Variants in SV2B observed in about 807,000 individuals in gnomAD.
SV2B encodes solute carrier family 22 member B2.
In SV2B, 41 loss-of-function variants were observed where a neutral mutation model predicts 73.9. The ratio of observed to expected loss-of-function variants is 0.56; its 90% CI spans 0.43 to 0.72. The LOEUF is 0.72. Ranked by LOEUF, SV2B falls within the 30% of genes least tolerant of loss-of-function variation. The pLI is 0.00. For synonymous variants in SV2B, 314 were observed against 314.2 expected (o/e 1.00, Z 0.01); for missense variants, 764 against 857.8 (o/e 0.89, Z 1.37).
intron 1 of SV2B, among the ~76,000 whole-genome samples, chr15:91,202,065 C>G (rs183563546): frequency 6.6e-6 from 1 of 152,180 alleles, no homozygotes; most frequent in Non-Finnish European, 1.5e-5. Flanking sequence ...GGCTCACTCC[C>G]TGCTTCTTTC....
At chr15:91,270,945 G>A (rs1280464374) in intron 9 of SV2B, among the ~76,000 whole-genome samples, 2 of 151,016 alleles carry the variant, frequency 1.3e-5, no homozygotes, top group Admixed American at 1.3e-4. Flanking sequence ...TCCTGTGGAC[G>A]ATGGGAGGAC....
chr15:91,230,919 G>C (rs2141510387), intron 2 of SV2B, among the ~76,000 whole-genome samples: 1 of 152,274 alleles, frequency 6.6e-6, no homozygotes, highest in East Asian at 1.9e-4. Context: ...AGTGTGAAGG[G>C]ATAGAGCTTG....
At position 91,240,513 on chromosome 15, in the gene SV2B, T is replaced by C. The variant is rs1181823016; in HGVS notation, c.452-11306T>C. Reference sequence around the variant, plus strand: ...CTGTCCTGTCATGGAGCCAACATTTTAATAAAGAAAAAGGCTAAAAAACCC... The same window carrying C: ...CTGTCCTGTCATGGAGCCAACATTTCAATAAAGAAAAAGGCTAAAAAACCC... On this transcript the variant is annotated intron_variant, in intron 2 of 12. Coordinates refer to ENST00000394232, the MANE Select transcript of SV2B (RefSeq NM_001323032.3). The surrounding 1 kb of genome is among the most constrained non-coding windows in gnomAD (Gnocchi z 4.6). Among the ~76,000 whole-genome samples the C allele has an allele frequency of 1.3e-5, 2 of 152,146 alleles. No individual in the cohort carries two copies. Among genetic ancestry groups the C allele is most frequent in the Non-Finnish European group, 2.9e-5 (2 of 68,028 alleles).
intron 9 of SV2B, among the ~76,000 whole-genome samples, chr15:91,275,791 A>G (rs1053052623): frequency 9.2e-5 from 14 of 152,152 alleles, no homozygotes; most frequent in Non-Finnish European, 1.0e-4. Context: ...CCACCACTGC[A>G]CTCCAGCCTG....
chr15:91,293,914 G>A lies in SV2B; in HGVS notation c.*1362G>A, dbSNP rs574915335. On this transcript the variant is annotated 3_prime_UTR_variant, in exon 13 of 13. Coordinates refer to ENST00000394232, the MANE Select transcript of SV2B (RefSeq NM_001323032.3). ...TGAACATAAACAGGGGTGTGGGTTG[G>A]GGGAGGAGCTTAGGACAAACCTCTC... 3.9e-5 allele frequency: 6 copies of A among 152,404 alleles called. No individual in the cohort carries two copies. Among genetic ancestry groups the A allele is most frequent in the South Asian group, 2.1e-4 (1 of 4,830 alleles). The allele number at this position is 152,404 out of a possible 1,614,324, so 9.4% of individuals were successfully genotyped here.
chr15:91,165,933 C>G (rs2043896859), intron 1 of SV2B, among the ~76,000 whole-genome samples: 1 of 152,102 alleles, frequency 6.6e-6, no homozygotes, highest in African/African-American at 2.4e-5. Context: ...TTTTCTTTAT[C>G]TGTAAATATC....
chr15:91,119,927 A>G (rs1475128211), intron 1 of SV2B, among the ~76,000 whole-genome samples: 1 of 152,224 alleles, frequency 6.6e-6, no homozygotes, highest in Non-Finnish European at 1.5e-5. Context: ...ATTAAGCATT[A>G]GTGTTTTCCA....
At chr15:91,200,735 C>T (rs2045430053) in intron 1 of SV2B, among the ~76,000 whole-genome samples, 1 of 151,638 alleles carries the variant, frequency 6.6e-6, no homozygotes, top group Admixed American at 6.6e-5. Context: ...ATAGTGAGAC[C>T]TCATCTCTAT....
In SV2B at chr15:91,130,744, C is replaced by T. The variant is rs757315375; in HGVS notation, c.-392+30381C>T. 2.0e-5 allele frequency among the ~76,000 whole-genome samples: 3 copies of T among 151,968 alleles called. No individual in the cohort carries two copies. The highest frequency in any genetic ancestry group is 2.1e-4 in the South Asian group (1 of 4,818). On this transcript the variant is annotated intron_variant, in intron 1 of 12. Coordinates refer to ENST00000394232, the MANE Select transcript of SV2B (RefSeq NM_001323032.3). The surrounding 1 kb of genome is among the most constrained non-coding windows in gnomAD (Gnocchi z 5.6). ...TGGGGGCAAAGAGGGGAGTGTGTGG[C>T]GGTGCACGGTTCAGTGAGTCCTTCA...
chr15:91,129,539 G>A lies in SV2B; in HGVS notation c.-392+29176G>A, dbSNP rs1367773809. Among the ~76,000 whole-genome samples the A allele has an allele frequency of 6.6e-6, 1 of 152,144 alleles. No individual in the cohort carries two copies. The highest frequency in any genetic ancestry group is 1.5e-5 in the Non-Finnish European group (1 of 68,028). The stretch of plus-strand genomic sequence containing the variant: ...AGTGCATGGATGAAGCTGCAAGGGT[G>A]GACAGAACCAAAACAGAAGGTCACA... On this transcript the variant is annotated intron_variant, in intron 1 of 12. Transcript: ENST00000394232. This position sits in a 1 kb window ranked among gnomAD's most constrained non-coding sequence, Gnocchi z 5.1.
chr15:91,116,160 G>T (rs547168281), intron 1 of SV2B, among the ~76,000 whole-genome samples: 1 of 152,106 alleles, frequency 6.6e-6, no homozygotes, highest in Admixed American at 6.6e-5. Flanking sequence ...ACATGACCTT[G>T]CATTCTCCCT....
Position 91,297,488 on chromosome 15 carries a change from C to T in SV2B, c.*4936C>T, listed in dbSNP as rs1218310367. On this transcript the variant is annotated 3_prime_UTR_variant, in exon 13 of 13. Coordinates refer to ENST00000394232, the MANE Select transcript of SV2B (RefSeq NM_001323032.3). This position sits in a 1 kb window ranked among gnomAD's most constrained non-coding sequence, Gnocchi z 5.1. Reference sequence around the variant, plus strand: ...GATGTTAAAACTCACTCTTCAAGGCCCCATCCCCAGAGATTCGGATTCTGG... The same window carrying T: ...GATGTTAAAACTCACTCTTCAAGGCTCCATCCCCAGAGATTCGGATTCTGG... The T allele has an allele frequency of 6.6e-6, 1 of 152,096 alleles. No individual in the cohort carries two copies. The highest frequency in any genetic ancestry group is 2.4e-5 in the African/African-American group (1 of 41,416). 9.4% of individuals were successfully genotyped at this position (152,096 alleles called of 1,614,324 possible). A position where few individuals can be genotyped will look rare whatever the true frequency, so the allele number is the denominator to read the frequency against.
At chr15:91,256,863 T>G (rs769391805) in intron 4 of SV2B, among the ~76,000 whole-genome samples, 1 of 152,218 alleles carries the variant, frequency 6.6e-6, no homozygotes, top group Non-Finnish European at 1.5e-5. Context: ...AGGAGTCTGC[T>G]GCGAGTAGAA....
intron 1 of SV2B, among the ~76,000 whole-genome samples, chr15:91,144,765 C>G (rs2043097121): frequency 3.3e-5 from 5 of 152,146 alleles, no homozygotes; most frequent in Admixed American, 3.3e-4. Context: ...CTCAGCCTTC[C>G]TTGGCAGCCA....
intron 11 of SV2B, among the ~76,000 whole-genome samples, chr15:91,286,785 A>G (rs1339782220): frequency 6.6e-6 from 1 of 152,162 alleles, no homozygotes; most frequent in Non-Finnish European, 1.5e-5. Flanking sequence ...ACGGTCACAC[A>G]GGTAGTAAAT....
rs1047444577 is a variant in SV2B, at chr15:91,106,012, T to C, written c.-392+5649T>C. On this transcript the variant is annotated intron_variant, in intron 1 of 12. Transcript: ENST00000394232. This position sits in a 1 kb window ranked among gnomAD's most constrained non-coding sequence, Gnocchi z 4.4. Reference sequence around the variant, plus strand: ...CTGCAGTGAGTCACGATAATGCCATTGTACTCCAGCCTGGACAATGGATTG... The same window carrying C: ...CTGCAGTGAGTCACGATAATGCCATCGTACTCCAGCCTGGACAATGGATTG... 6.6e-6 allele frequency among the ~76,000 whole-genome samples: 1 copy of C among 152,092 alleles called. No homozygotes were observed. Among genetic ancestry groups the C allele is most frequent in the Non-Finnish European group, 1.5e-5 (1 of 68,012 alleles).
chr15:91,206,684 TA>T (rs1353852967), intron 1 of SV2B, among the ~76,000 whole-genome samples: 1 of 152,180 alleles, frequency 6.6e-6, no homozygotes, highest in Admixed American at 6.5e-5. Flanking sequence ...ATTAAAAGGA[TA>T]ATGGAGTTAT....
At chr15:91,192,430 C>A (rs8034923) in intron 1 of SV2B, among the ~76,000 whole-genome samples, 5,074 of 152,260 alleles carry the variant, frequency 0.033, 269 homozygotes, top group African/African-American at 0.11. Context: ...TGTTTCTGTC[C>A]TGAGGTCTGA....
At position 91,268,473 on chromosome 15, in the gene SV2B, T is replaced by C. The variant is rs1481727004; in HGVS notation, c.1241T>C (p.Met414Thr). Residue 414 changes from methionine to threonine, a missense_variant, in exon 9 of 13, where the codon ATG becomes ACG. Physicochemically the swap from Met to Thr is moderately conservative, Grantham distance 81. Coordinates refer to ENST00000394232, the MANE Select transcript of SV2B (RefSeq NM_001323032.3). The surrounding 1 kb of genome is among the most constrained non-coding windows in gnomAD (Gnocchi z 4.4). ...GGACTGACAGTTTGGTTTCCTGATATGATCCGCTATTTTCAAGATGAAGAA... is the reference window on the plus strand; with the variant it reads ...GGACTGACAGTTTGGTTTCCTGATACGATCCGCTATTTTCAAGATGAAGAA... Reference protein sequence around the residue: ...YYGLTVWFPDMIRYFQDEEYK... With the variant: ...YYGLTVWFPDTIRYFQDEEYK... 1.2e-6 allele frequency: 2 copies of C among 1,613,976 alleles called. No homozygotes were observed. The highest frequency in any genetic ancestry group is 1.7e-6 in the Non-Finnish European group (2 of 1,179,920).
Sources: gnomAD v4.1 joint callset for allele counts (sites outside exome capture counted in the v4.1 genomes callset) on GRCh38, gnomAD v4.1.1 for gene constraint, Gnocchi (gnomAD v3.1) non-coding constraint, MANE v1.5 for transcripts, NCBI Gene and HGNC (gene_info 2026-07-23, HGNC 2026-07-21) for gene names.